The following CDK17 variants were observed in gnomAD, a reference collection of about 807,000 sequenced individuals.
The protein encoded by CDK17 is cyclin dependent kinase 17.
Under a neutral mutation model 77.6 loss-of-function variants are expected in CDK17, and 24 were observed. The ratio of observed to expected loss-of-function variants is 0.31; its 90% confidence interval spans 0.22 to 0.44. The LOEUF (loss-of-function observed/expected upper bound fraction) is 0.44. Among genes scored for constraint, CDK17 ranks in the 20% least tolerant of loss-of-function variants. The probability of loss-of-function intolerance (pLI) is 1.00; values close to 1 mark genes in which losing one functional copy is unlikely to be tolerated. For missense variants in CDK17, 429 were observed against 622.5 expected (o/e 0.69, Z 3.31); for synonymous variants, 203 against 210.4 (o/e 0.96, Z 0.30).
intron 11 of CDK17, among the ~76,000 whole-genome samples, chr12:96,288,579 T>C (rs1165021956): frequency 6.6e-6 from 1 of 152,156 alleles, no homozygotes; most frequent in Non-Finnish European, 1.5e-5. Flanking sequence ...AAAAGGTAGT[T>C]TAGAGACATC....
At chr12:96,314,996 T>A (rs1347266202) in intron 3 of CDK17, among the ~76,000 whole-genome samples, 2 of 152,206 alleles carry the variant, frequency 1.3e-5, no homozygotes, top group East Asian at 3.8e-4. Flanking sequence ...GGGGATGGGA[T>A]TTAGCTTGTT....
intron 3 of CDK17, among the ~76,000 whole-genome samples, chr12:96,314,107 A>G (rs1196872977): frequency 2.0e-5 from 3 of 152,232 alleles, no homozygotes; most frequent in African/African-American, 7.2e-5. Flanking sequence ...TACTACAAAA[A>G]AGGTGGGTTA....
chr12:96,376,677 A>G (rs1953786719), intron 1 of CDK17, among the ~76,000 whole-genome samples: 1 of 152,238 alleles, frequency 6.6e-6, no homozygotes, highest in African/African-American at 2.4e-5. Flanking sequence ...CACTGACACT[A>G]CTGGCCAGTT....
At chr12:96,366,456 A>G (rs907890420) in intron 1 of CDK17, among the ~76,000 whole-genome samples, 4 of 152,214 alleles carry the variant, frequency 2.6e-5, no homozygotes, top group Non-Finnish European at 2.9e-5. Context: ...ATACATTACT[A>G]TATCTAGTGT....
At chr12:96,373,862 G>GT (rs1953734871) in intron 1 of CDK17, among the ~76,000 whole-genome samples, 1 of 152,156 alleles carries the variant, frequency 6.6e-6, no homozygotes, top group South Asian at 2.1e-4. Context: ...GGAGGTGGCA[G>GT]TGAGCCAAGA....
chr12:96,398,743 C>A (rs549904919), intron 1 of CDK17, among the ~76,000 whole-genome samples: 2 of 152,262 alleles, frequency 1.3e-5, no homozygotes, highest in East Asian at 3.9e-4. Flanking sequence ...ACTTTGCTGA[C>A]CCTAGGAATG....
At chr12:96,286,904 A>G (rs141401758) in intron 11 of CDK17, 143 bp from the exon 12 acceptor site, 81 of 599,618 alleles carry the variant, frequency 1.4e-4, no homozygotes, top group Middle Eastern at 8.2e-4. Context: ...AGATCTAACT[A>G]ATTTGTTCGC....
At chr12:96,376,647 A>G (rs1592763896) in intron 1 of CDK17, among the ~76,000 whole-genome samples, 1 of 152,160 alleles carries the variant, frequency 6.6e-6, no homozygotes, top group East Asian at 1.9e-4. Flanking sequence ...ATAAATCATC[A>G]CCCTATATTA....
intron 9 of CDK17, among the ~76,000 whole-genome samples, chr12:96,296,589 T>G (rs1952410130): frequency 6.6e-6 from 1 of 152,228 alleles, no homozygotes. Flanking sequence ...TACATATTGT[T>G]GACTAAGTTT....
intron 1 of CDK17, among the ~76,000 whole-genome samples, chr12:96,394,107 A>G (rs927750428): frequency 2.6e-5 from 4 of 151,734 alleles, no homozygotes; most frequent in Non-Finnish European, 2.9e-5. Context: ...TTAGCTGGAC[A>G]TGGTGGTGCA....
At chr12:96,313,036 C>T (rs780132072) in intron 4 of CDK17, among the ~76,000 whole-genome samples, 31 of 152,100 alleles carry the variant, frequency 2.0e-4, no homozygotes, top group South Asian at 6.2e-4. Flanking sequence ...TGAAAATTCA[C>T]TTCTCCTTAA....
chr12:96,309,172 A>G (rs540172896), intron 5 of CDK17, among the ~76,000 whole-genome samples: 10 of 152,222 alleles, frequency 6.6e-5, no homozygotes, highest in African/African-American at 2.4e-4. Flanking sequence ...ATATTATTCC[A>G]TATTACCCTT....
intron 1 of CDK17, among the ~76,000 whole-genome samples, chr12:96,384,042 G>A (rs1221879009): frequency 2.0e-5 from 3 of 151,050 alleles, no homozygotes; most frequent in Admixed American, 6.6e-5. Context: ...GAATCCATAC[G>A]GAACTTAAAT....
intron 15 of CDK17, chr12:96,282,002 G>T (rs1017092482): frequency 6.6e-6 from 1 of 152,254 alleles, no homozygotes; most frequent in African/African-American, 2.4e-5. Context: ...ATTCAGGCAT[G>T]GGAAATCTGC....
At chr12:96,295,176 T>C in intron 9 of CDK17, 54 bp from the exon 10 acceptor site, 5 of 1,391,720 alleles carry the variant, frequency 3.6e-6, no homozygotes, top group Non-Finnish European at 4.9e-6. Flanking sequence ...TGCTTTAGTA[T>C]AAGCATAAAT....
Position 96,286,720 on chromosome 12 carries a change from G to A in CDK17, c.1160C>T (p.Pro387Leu), listed in dbSNP as rs1373445002. Residue 387 changes from proline to leucine, a missense_variant, in exon 12 of 17, where the codon CCT becomes CTT. This residue lies in a region of CDK17 where 51 missense variants were observed against 96.5 expected (regional missense o/e 0.53). Coordinates refer to ENST00000261211, the MANE Select transcript of CDK17 (RefSeq NM_002595.5). ...CIFFEMASGRPLFPGSTVEDE... is the reference protein window; with the variant it reads ...CIFFEMASGRLLFPGSTVEDE... ...TTCCACGGTTGATCCTGGAAATAAA[G>A]GTCTTCCAGAAGCCATTTCAAAGAA... The A allele has an allele frequency of 1.2e-6, 2 of 1,613,250 alleles. No individual in the cohort carries two copies. Among genetic ancestry groups the A allele is most frequent in the Non-Finnish European group, 1.7e-6 (2 of 1,179,522 alleles).
At chr12:96,309,548 A>G (rs1418662857) in intron 5 of CDK17, among the ~76,000 whole-genome samples, 2 of 152,254 alleles carry the variant, frequency 1.3e-5, no homozygotes, top group Non-Finnish European at 2.9e-5. Context: ...CTAAATATTA[A>G]GAAAATATAT....
intron 10 of CDK17, among the ~76,000 whole-genome samples, chr12:96,291,705 G>A (rs1330082823): frequency 2.9e-5 from 4 of 135,612 alleles, no homozygotes; most frequent in Admixed American, 1.7e-4. Context: ...TGCAACCTCC[G>A]CCTCCCGGGT....
At chr12:96,296,423 A>G (rs912664947) in intron 9 of CDK17, among the ~76,000 whole-genome samples, 21 of 152,364 alleles carry the variant, frequency 1.4e-4, no homozygotes, top group African/African-American at 4.3e-4. Context: ...TGTGTTATCC[A>G]TATGTTCTGA....
Sources: gnomAD v4.1 joint callset for allele counts (sites outside exome capture counted in the v4.1 genomes callset) on GRCh38, gnomAD v4.1.1 for gene constraint, gnomAD v4.1.1 regional missense constraint, MANE v1.5 for transcripts, NCBI Gene and HGNC (gene_info 2026-07-23, HGNC 2026-07-21) for gene names.